The following ZBTB38 variants were observed in gnomAD, a reference collection of about 807,000 sequenced individuals.
The protein encoded by ZBTB38 is zinc finger and BTB domain-containing protein 38.
Under a neutral mutation model 76.8 loss-of-function variants are expected in ZBTB38, and 20 were observed. That is an observed-to-expected ratio of 0.26 (90% CI 0.18 to 0.38). ZBTB38 has a LOEUF of 0.38. ZBTB38 is among the 10% of genes least tolerant of loss of function. The pLI is 1.00. For missense variants in ZBTB38, 1,082 were observed against 1,482.3 expected (o/e 0.73, Z 4.43); for synonymous variants, 504 against 544.2 (o/e 0.93, Z 1.03).
chr3:141,418,410 C>T (rs1290578919), intron 5 of ZBTB38, among the ~76,000 whole-genome samples: 3 of 152,138 alleles, frequency 2.0e-5, no homozygotes, highest in South Asian at 4.1e-4. Flanking sequence ...CCTTCAAGAG[C>T]GAGCCCCCCC....
rs747357176 is a variant in ZBTB38, at chr3:141,444,233, G to A, written c.1845G>A (p.Thr615=). 3.7e-6 allele frequency: 6 copies of A among 1,614,042 alleles called. 1 individual carries two copies. In the African/African-American group the frequency reaches 4.0e-5, roughly 11 times the overall value. ...VQNPHSSELP[T]LNFQDTVNTL... ...ATCCACACAGCTCTGAATTACCAAC[G>A]CTGAATTTCCAAGATACTGTAAACA... Residue 615 remains threonine, a synonymous_variant, in exon 6 of 6, where the codon ACG becomes ACA. Coordinates refer to ENST00000321464, the MANE Select transcript of ZBTB38 (RefSeq NM_001376113.1). This position sits in a 1 kb window ranked among gnomAD's most constrained non-coding sequence, Gnocchi z 5.1.
intron 2 of ZBTB38, among the ~76,000 whole-genome samples, chr3:141,374,301 C>T (rs1173625384): frequency 6.6e-6 from 1 of 152,170 alleles, no homozygotes. Context: ...AGGCCAGACT[C>T]CCCATGGAGA....
chr3:141,372,648 A>G (rs1208829277), intron 2 of ZBTB38, among the ~76,000 whole-genome samples: 9 of 151,162 alleles, frequency 6.0e-5, no homozygotes, highest in Middle Eastern at 3.4e-3. Context: ...GAGAAACTCC[A>G]TCTCCAAAAA....
intron 5 of ZBTB38, among the ~76,000 whole-genome samples, chr3:141,424,218 T>G (rs948174216): frequency 4.6e-5 from 7 of 152,228 alleles, no homozygotes; most frequent in Middle Eastern, 3.2e-3. Flanking sequence ...AAAGACTTTT[T>G]ATTTAAATAG....
chr3:141,376,081 A>G (rs1359591088), intron 2 of ZBTB38, among the ~76,000 whole-genome samples: 1 of 152,164 alleles, frequency 6.6e-6, no homozygotes, highest in Non-Finnish European at 1.5e-5. Context: ...GCTGAAACCC[A>G]TCAACCCACA....
chr3:141,433,745 G>A (rs893513444), intron 5 of ZBTB38, among the ~76,000 whole-genome samples: 6 of 152,274 alleles, frequency 3.9e-5, no homozygotes, highest in South Asian at 2.1e-4. Flanking sequence ...GCCTTCAGCC[G>A]TGGTATGCTG....
intron 1 of ZBTB38, among the ~76,000 whole-genome samples, chr3:141,336,527 A>G (rs1181577223): frequency 1.3e-5 from 2 of 152,078 alleles, no homozygotes; most frequent in Non-Finnish European, 2.9e-5. Flanking sequence ...TCATTTATTT[A>G]TTATAGAGAT....
At position 141,443,509 on chromosome 3, in the gene ZBTB38, A is replaced by G. The variant is rs750935587; in HGVS notation, c.1121A>G (p.Lys374Arg). 20 of 1,614,122 alleles carry G rather than the reference A, an allele frequency of 1.2e-5. 1 individual carries two copies. In the South Asian group the frequency reaches 2.1e-4, roughly 17 times the overall value. ...CCAACCCAGGAGCCTTTAGTGTGCA[A>G]GTATTGCAACAAACAATTCACCACC... ...HKPTQEPLVC[K>R]YCNKQFTTLN... Residue 374 changes from lysine to arginine, a missense_variant, in exon 6 of 6, where the codon AAG becomes AGG. Lys to Arg is a conservative substitution (Grantham distance 26). Coordinates refer to ENST00000321464, the MANE Select transcript of ZBTB38 (RefSeq NM_001376113.1). The surrounding 1 kb of genome is among the most constrained non-coding windows in gnomAD (Gnocchi z 5.6).
intron 4 of ZBTB38, among the ~76,000 whole-genome samples, chr3:141,400,882 AC>A (rs1246991143): frequency 7.2e-5 from 11 of 152,212 alleles, no homozygotes; most frequent in Admixed American, 5.2e-4. Context: ...TGGGCTTTAA[AC>A]CCAGGCAGGC....
At position 141,446,390 on chromosome 3, in the gene ZBTB38, G is replaced by C. The variant is rs527700884; in HGVS notation, c.*414G>C. 1.9e-5 allele frequency: 3 copies of C among 158,532 alleles called. No individual in the cohort carries two copies. Among genetic ancestry groups the C allele is most frequent in the Admixed American group, 1.8e-4 (3 of 16,250 alleles). 9.8% of individuals were successfully genotyped at this position (158,532 alleles called of 1,614,324 possible). On this transcript the variant is annotated 3_prime_UTR_variant, in exon 6 of 6. Coordinates refer to ENST00000321464, the MANE Select transcript of ZBTB38 (RefSeq NM_001376113.1). ...CTGAAGATGGCATCTTCGTAAATAT[G>C]TTACGTGGTAATAAGCTGTGTGACG...
intron 1 of ZBTB38, among the ~76,000 whole-genome samples, chr3:141,341,938 T>TAA (rs75544564): frequency 7.9e-5 from 12 of 151,972 alleles, no homozygotes; most frequent in East Asian, 7.7e-4. Flanking sequence ...TTCACTTTTT[T>TAA]AAAAAAAAGC....
intron 1 of ZBTB38, among the ~76,000 whole-genome samples, chr3:141,338,404 C>A (rs1424343133): frequency 6.6e-6 from 1 of 152,182 alleles, no homozygotes; most frequent in East Asian, 1.9e-4. Context: ...TAAATGCCCA[C>A]CAGTGGTGGA....
intron 1 of ZBTB38, among the ~76,000 whole-genome samples, chr3:141,360,880 G>C (rs1296565138): frequency 2.0e-5 from 3 of 152,212 alleles, no homozygotes; most frequent in Non-Finnish European, 4.4e-5. Context: ...ACCCCTGGTT[G>C]AGAATCACTG....
At chr3:141,371,045 C>CTTTCCTTTTTTTTTTTTT (rs1944498561) in intron 2 of ZBTB38, among the ~76,000 whole-genome samples, 18 of 72,010 alleles carry the variant, frequency 2.5e-4, no homozygotes, top group African/African-American at 1.2e-3. Flanking sequence ...TTCTTTCTTT[C>CTTTCCTTTTTTTTTTTTT]TTTTTTTTTT....
intron 4 of ZBTB38, chr3:141,402,700 G>A (rs1318027201): frequency 6.6e-6 from 1 of 152,098 alleles, no homozygotes; most frequent in Non-Finnish European, 1.5e-5. Context: ...GCGGGGCGGG[G>A]TGGGTTCGGC....
At chr3:141,338,620 A>T (rs1483519001) in intron 1 of ZBTB38, among the ~76,000 whole-genome samples, 1 of 152,208 alleles carries the variant, frequency 6.6e-6, no homozygotes, top group African/African-American at 2.4e-5. Context: ...AAAGAGGAGA[A>T]CAATAGACAA....
intron 5 of ZBTB38, among the ~76,000 whole-genome samples, chr3:141,430,783 C>T (rs2077320542): frequency 6.6e-6 from 1 of 152,148 alleles, no homozygotes; most frequent in Non-Finnish European, 1.5e-5. Flanking sequence ...TCTTCAGAAG[C>T]CAGAATGTAA....
At chr3:141,346,098 T>C (rs1276434197) in intron 1 of ZBTB38, among the ~76,000 whole-genome samples, 2 of 152,210 alleles carry the variant, frequency 1.3e-5, no homozygotes, top group Non-Finnish European at 2.9e-5. Context: ...CACCTCTCTC[T>C]GAAGCTCCTG....
rs1403028863 is a variant in ZBTB38 at position 141,425,163 on chromosome 3, T to A, written c.1-17226T>A. ...GTACCAGACTGGACATGGTGTGCCT[T>A]ATCCTAAAGTATCTATCGTAGAGCC... On this transcript the variant is annotated intron_variant, in intron 5 of 5. Transcript: ENST00000321464. Among the ~76,000 whole-genome samples, 6 of 152,218 alleles carry A rather than the reference T, an allele frequency of 3.9e-5. No individual in the cohort carries two copies. The East Asian group carries it at 7.7e-4, about 20-fold the overall frequency.
Sources: gnomAD v4.1 joint callset for allele counts (sites outside exome capture counted in the v4.1 genomes callset) on GRCh38, gnomAD v4.1.1 for gene constraint, Gnocchi (gnomAD v3.1) non-coding constraint, MANE v1.5 for transcripts, NCBI Gene and HGNC (gene_info 2026-07-23, HGNC 2026-07-21) for gene names.